ZNF618: variants seen among roughly 807,000 people sequenced by gnomAD.
The protein encoded by ZNF618 is zinc finger protein 618.
ZNF618 carries 34 observed loss-of-function variants against 103.0 expected under a neutral mutation model. The ratio of observed to expected loss-of-function variants is 0.33; its 90% CI spans 0.25 to 0.44. The LOEUF is 0.44. Ranked by LOEUF, ZNF618 falls within the 20% of genes least tolerant of loss-of-function variation. ZNF618 has a pLI of 1.00. For missense variants in ZNF618, 1,059 were observed against 1,295.4 expected (o/e 0.82, Z 2.80); for synonymous variants, 551 against 542.2 (o/e 1.02, Z -0.23).
chr9:114,023,700 TA>T (rs1363711874), intron 10 of ZNF618, among the ~76,000 whole-genome samples: 6 of 152,168 alleles, frequency 3.9e-5, no homozygotes, highest in Admixed American at 6.5e-5. Flanking sequence ...TTATTTCACA[TA>T]TTTTTTTGAA....
intron 1 of ZNF618, among the ~76,000 whole-genome samples, chr9:113,912,098 A>G (rs1412116625): frequency 1.3e-5 from 2 of 152,156 alleles, no homozygotes; most frequent in South Asian, 2.1e-4. Context: ...TGATACTGCC[A>G]CCGACCACAC....
intron 1 of ZNF618, among the ~76,000 whole-genome samples, chr9:113,941,696 T>A (rs946682433): frequency 6.6e-6 from 1 of 152,236 alleles, no homozygotes; most frequent in Non-Finnish European, 1.5e-5. Flanking sequence ...AGGGGATTTT[T>A]TTCGTCTATG....
rs77742918 is a variant in ZNF618 at position 113,885,275 on chromosome 9, G to A, written c.33+8862G>A. Among the ~76,000 whole-genome samples, 1,327 of 152,276 alleles carry A rather than the reference G, an allele frequency of 8.7e-3. 14 individuals carry two copies. The highest frequency in any genetic ancestry group is 0.017 in the Middle Eastern group (5 of 294). On this transcript the variant is annotated intron_variant, in intron 1 of 14. Transcript: ENST00000374126. ...CACAGACAAGTTCTTTAGTCCTTCC[G>A]TATCTTAATTTCTGCATCTGAGAAA...
intron 1 of ZNF618, among the ~76,000 whole-genome samples, chr9:113,949,562 T>C (rs1283360909): frequency 6.6e-6 from 1 of 152,180 alleles, no homozygotes; most frequent in Non-Finnish European, 1.5e-5. Context: ...TGGAGGAGAA[T>C]GTTCCTCTTC....
chr9:114,033,323 T>C (rs1844264088), intron 12 of ZNF618, among the ~76,000 whole-genome samples: 1 of 150,738 alleles, frequency 6.6e-6, no homozygotes, highest in Non-Finnish European at 1.5e-5. Context: ...GAGGCAGAGG[T>C]TGGAATGAGC....
intron 12 of ZNF618, among the ~76,000 whole-genome samples, chr9:114,034,524 C>G (rs1844410881): frequency 6.6e-6 from 1 of 152,214 alleles, no homozygotes; most frequent in South Asian, 2.1e-4. Flanking sequence ...TCTTATCTGT[C>G]TTCCTCCTTT....
In ZNF618 at chr9:114,008,476, G is replaced by T; in HGVS notation, c.677-1G>T. On this transcript the variant is annotated splice_acceptor_variant, in intron 8 of 14. Transcript: ENST00000374126. LOFTEE classifies it high-confidence loss of function. The stretch of plus-strand genomic sequence containing the variant: ...GCTAAGGGCCGTGTGTTCTCCCACA[G>T]ACCCCTTCGACCAAGGTGTCGTGGC... The T allele has an allele frequency of 6.2e-7, 1 of 1,613,944 alleles. No individual in the cohort carries two copies. The highest frequency in any genetic ancestry group is 8.5e-7 in the Non-Finnish European group (1 of 1,179,860).
At chr9:114,012,472 C>T (rs1842339689) in intron 9 of ZNF618, among the ~76,000 whole-genome samples, 1 of 152,186 alleles carries the variant, frequency 6.6e-6, no homozygotes, top group African/African-American at 2.4e-5. Flanking sequence ...GGCCCCATCT[C>T]CACATGCTAT....
intron 2 of ZNF618, among the ~76,000 whole-genome samples, chr9:113,969,918 C>G (rs2132814245): frequency 6.6e-6 from 1 of 152,188 alleles, no homozygotes; most frequent in East Asian, 1.9e-4. Context: ...TACATAAAAT[C>G]TAGAATCGAT....
chr9:113,954,753 T>C (rs991737692), intron 1 of ZNF618, among the ~76,000 whole-genome samples: 2 of 152,206 alleles, frequency 1.3e-5, no homozygotes, highest in Non-Finnish European at 2.9e-5. Context: ...CTAGGTGCTC[T>C]TGCTCTCTGG....
chr9:114,017,809 G>A (rs1223036260), intron 10 of ZNF618, among the ~76,000 whole-genome samples: 1 of 152,174 alleles, frequency 6.6e-6, no homozygotes, highest in East Asian at 1.9e-4. Flanking sequence ...GAGCCCTGCT[G>A]TTGGGATACC....
chr9:113,984,055 G>A (rs1216548011), intron 2 of ZNF618, among the ~76,000 whole-genome samples: 4 of 152,120 alleles, frequency 2.6e-5, no homozygotes, highest in Admixed American at 6.5e-5. Context: ...CAACACTCCC[G>A]AGGGCCCCAC....
chr9:113,986,125 T>C (rs1839454552), intron 2 of ZNF618, among the ~76,000 whole-genome samples: 1 of 152,172 alleles, frequency 6.6e-6, no homozygotes. Flanking sequence ...GTGGTGACCA[T>C]GTCTTGAGAG....
chr9:114,028,511 C>A, intron 10 of ZNF618: 1 of 642,732 alleles, frequency 1.6e-6, no homozygotes, highest in Non-Finnish European at 2.6e-6. Flanking sequence ...ACACAGTGGG[C>A]TGGTTGGTGG....
chr9:114,037,131 G>A (rs571856237), intron 13 of ZNF618, among the ~76,000 whole-genome samples: 1 of 152,090 alleles, frequency 6.6e-6, no homozygotes, highest in Admixed American at 6.6e-5. Context: ...AGTATGTGCT[G>A]GAATAAGTAA....
chr9:114,002,796 G>A, intron 6 of ZNF618, 134 bp downstream of exon 6: 1 of 966,262 alleles, frequency 1.0e-6, no homozygotes, highest in Admixed American at 2.4e-5. Context: ...TCCAAGCTTG[G>A]GGGCCAGACC....
At chr9:113,956,197 T>A (rs1241943103) in intron 1 of ZNF618, among the ~76,000 whole-genome samples, 4 of 113,478 alleles carry the variant, frequency 3.5e-5, no homozygotes, top group Non-Finnish European at 6.6e-5. Flanking sequence ...CAACGAGAGT[T>A]AAACTCTGTC....
At chr9:114,012,682 A>G (rs1450274942) in intron 9 of ZNF618, among the ~76,000 whole-genome samples, 1 of 152,226 alleles carries the variant, frequency 6.6e-6, no homozygotes, top group Non-Finnish European at 1.5e-5. Flanking sequence ...CCTACATTCT[A>G]TGTAGTAAAG....
At chr9:113,949,634 C>T (rs1243534719) in intron 1 of ZNF618, among the ~76,000 whole-genome samples, 2 of 152,226 alleles carry the variant, frequency 1.3e-5, no homozygotes, top group East Asian at 1.9e-4. Flanking sequence ...GCTCCCCGCT[C>T]CTCTCTCCCC....
Sources: gnomAD v4.1 joint callset for allele counts (sites outside exome capture counted in the v4.1 genomes callset) on GRCh38, gnomAD v4.1.1 for gene constraint, MANE v1.5 for transcripts, NCBI Gene and HGNC (gene_info 2026-07-23, HGNC 2026-07-21) for gene names.